COL6A3: variants seen among roughly 807,000 people sequenced by gnomAD.
COL6A3 encodes collagen type VI alpha 3 chain.
A neutral mutation model predicts 274.1 loss-of-function variants in COL6A3; 137 were observed. That is an observed-to-expected ratio of 0.50 (90% CI 0.44 to 0.58). COL6A3 has a LOEUF of 0.58. Among genes scored for constraint, COL6A3 ranks in the 20% least tolerant of loss-of-function variants. The probability of loss-of-function intolerance (pLI) is 0.00; values close to 1 mark genes in which losing one functional copy is unlikely to be tolerated. For synonymous variants in COL6A3, 1,650 were observed against 1,650.6 expected (o/e 1.00, Z 0.01); for missense variants, 3,950 against 4,124.9 (o/e 0.96, Z 1.16).
intron 1 of COL6A3, among the ~76,000 whole-genome samples, chr2:237,403,468 A>C (rs2078643706): frequency 6.6e-6 from 1 of 152,158 alleles, no homozygotes; most frequent in African/African-American, 2.4e-5. Flanking sequence ...ACCACCTGTC[A>C]ATACAGCAGT....
intron 4 of COL6A3, among the ~76,000 whole-genome samples, chr2:237,385,371 T>C (rs2078118984): frequency 6.6e-6 from 1 of 152,250 alleles, no homozygotes; most frequent in Admixed American, 6.5e-5. Context: ...GTTGAAACTC[T>C]ACTTGGCTAG....
At chr2:237,388,225 A>T in intron 3 of COL6A3, 41 bp from the exon 4 acceptor site, 2 of 1,612,264 alleles carry the variant, frequency 1.2e-6, no homozygotes, top group Non-Finnish European at 8.5e-7. Flanking sequence ...AAGCATTAGA[A>T]CAAGTGACCA....
intron 1 of COL6A3, among the ~76,000 whole-genome samples, chr2:237,408,329 G>T (rs2078771105): frequency 6.6e-6 from 1 of 152,164 alleles, no homozygotes; most frequent in Admixed American, 6.5e-5. Context: ...GCTCGAACAG[G>T]CCATAGTCCT....
chr2:237,369,147 A>C lies in COL6A3; in HGVS notation c.4316T>G (p.Phe1439Cys). Reference sequence around the variant, plus strand: ...AACTCCCTCAGAGCTGTCGATCAGAAAGACAATGTCTGCAGCATCACTCTC... The same window carrying C: ...AACTCCCTCAGAGCTGTCGATCAGACAGACAATGTCTGCAGCATCACTCTC... ...AVESDAADIV[F>C]LIDSSEGVRP... Residue 1439 changes from phenylalanine to cysteine, a missense_variant, in exon 10 of 44, where the codon TTT (phenylalanine) becomes TGT (cysteine). Coordinates refer to ENST00000295550, the MANE Select transcript of COL6A3 (RefSeq NM_004369.4). 6.2e-7 allele frequency: 1 copy of C among 1,613,418 alleles called. No individual in the cohort carries two copies. The highest frequency in any genetic ancestry group is 8.5e-7 in the Non-Finnish European group (1 of 1,180,032).
At chr2:237,397,930 C>T (rs2078492555) in intron 1 of COL6A3, among the ~76,000 whole-genome samples, 1 of 152,170 alleles carries the variant, frequency 6.6e-6, no homozygotes, top group South Asian at 2.1e-4. Context: ...ATAGCATATT[C>T]CTAAGCAAAG....
rs780992133 is a variant in COL6A3, at chr2:237,354,953, C to T, written c.6592-19G>A. 31 of 1,613,270 alleles carry T rather than the reference C, an allele frequency of 1.9e-5. No individual in the cohort carries two copies. Among genetic ancestry groups the T allele is most frequent in the Non-Finnish European group, 2.5e-5 (30 of 1,179,596 alleles). ...AGCCACCCTGTGGAAGAAAAAGTCC[C>T]ACAAACTGTGAGGGGGAGCATGGGA... On this transcript the variant is annotated intron_variant, in intron 23 of 43. Coordinates refer to ENST00000295550, the MANE Select transcript of COL6A3 (RefSeq NM_004369.4).
At chr2:237,362,667 A>G (rs890121777) in intron 14 of COL6A3, among the ~76,000 whole-genome samples, 23 of 152,082 alleles carry the variant, frequency 1.5e-4, no homozygotes, top group Admixed American at 1.5e-3. Flanking sequence ...ACCATCAAAG[A>G]ATCTCTGAGT....
intron 41 of COL6A3, among the ~76,000 whole-genome samples, chr2:237,334,307 G>A (rs1218402588): frequency 6.6e-6 from 1 of 152,186 alleles, no homozygotes; most frequent in Admixed American, 6.5e-5. Context: ...CCCTCACCGG[G>A]AGACGTGGCC....
rs549307351 is a variant in COL6A3 at position 237,334,565 on chromosome 2, G to C, written c.9229+61C>G. On this transcript the variant is annotated intron_variant, in intron 41 of 43. Transcript: ENST00000295550. ...GATTCAATAAGTAAGTGTCTCCTTTGTGTCCTATTTGATACTCTACATAGA... is the reference window on the plus strand; with the variant it reads ...GATTCAATAAGTAAGTGTCTCCTTTCTGTCCTATTTGATACTCTACATAGA... The C allele has an allele frequency of 6.1e-5, 94 of 1,551,712 alleles. No individual in the cohort carries two copies. The East Asian group carries it at 8.5e-4, about 14-fold the overall frequency.
Position 237,333,075 on chromosome 2 carries a change from C to G in COL6A3, c.9328+375G>C, listed in dbSNP as rs370536654. 2.2e-5 allele frequency: 7 copies of G among 322,122 alleles called. No individual in the cohort carries two copies. The East Asian group carries it at 3.6e-4, about 17-fold the overall frequency. 20.0% of individuals were successfully genotyped at this position (322,122 alleles called of 1,614,324 possible). Reference sequence around the variant, plus strand: ...CCAGCCAAATTTGTCTTGTGTTCTTCTAAGCAGTTTTTTTATTAGATTAAA... The same window carrying G: ...CCAGCCAAATTTGTCTTGTGTTCTTGTAAGCAGTTTTTTTATTAGATTAAA... On this transcript the variant is annotated intron_variant, in intron 42 of 43. Coordinates refer to ENST00000295550, the MANE Select transcript of COL6A3 (RefSeq NM_004369.4).
intron 9 of COL6A3, 113 bp from the exon 10 acceptor site, chr2:237,369,290 T>C (rs1459685826): frequency 2.1e-6 from 3 of 1,404,782 alleles, no homozygotes; most frequent in African/African-American, 2.9e-5. Context: ...TATCCCAAGA[T>C]GCCTGTGTTG....
At position 237,364,228 on chromosome 2, in the gene COL6A3, T is replaced by A. The variant is rs2077498791; in HGVS notation, c.5917+122A>T. 1.3e-6 allele frequency: 1 copy of A among 788,002 alleles called. No homozygotes were observed. The highest frequency in any genetic ancestry group is 2.2e-6 in the Non-Finnish European group (1 of 453,972). The allele number at this position is 788,002 out of a possible 1,614,324, so 48.8% of individuals were successfully genotyped here. ...AGGGCCACAACGCTGGGAGGAAGAG[T>A]CTCCCAAGACAACGCTGCTCCCTTG... On this transcript the variant is annotated intron_variant, in intron 13 of 43. Coordinates refer to ENST00000295550, the MANE Select transcript of COL6A3 (RefSeq NM_004369.4). The surrounding 1 kb of genome is among the most constrained non-coding windows in gnomAD (Gnocchi z 4.6).
chr2:237,395,426 C>G (rs1261764894), intron 2 of COL6A3, among the ~76,000 whole-genome samples: 12 of 152,192 alleles, frequency 7.9e-5, no homozygotes, highest in Non-Finnish European at 1.8e-4. Context: ...AAGTTCCATA[C>G]TCAGAGACCA....
At chr2:237,351,084 G>T in intron 27 of COL6A3, 46 bp downstream of exon 27, 1 of 1,585,246 alleles carries the variant, frequency 6.3e-7, no homozygotes, top group Non-Finnish European at 8.7e-7. Context: ...ATGTGTGCCT[G>T]GCTGGTCCCT....
At chr2:237,393,837 A>G (rs998569218) in intron 3 of COL6A3, among the ~76,000 whole-genome samples, 2 of 152,230 alleles carry the variant, frequency 1.3e-5, no homozygotes, top group Admixed American at 6.5e-5. Flanking sequence ...AGCTCTGTAC[A>G]TGCAACTGCA....
chr2:237,404,212 G>A (rs1356470192), intron 1 of COL6A3, among the ~76,000 whole-genome samples: 1 of 151,786 alleles, frequency 6.6e-6, no homozygotes. Context: ...GTTTTAATAC[G>A]GGATCAACAG....
chr2:237,384,980 C>A (rs2078109371), intron 4 of COL6A3, among the ~76,000 whole-genome samples: 1 of 152,134 alleles, frequency 6.6e-6, no homozygotes, highest in African/African-American at 2.4e-5. Flanking sequence ...GTTGCAGGGC[C>A]ACCCCTCCTG....
In COL6A3 at chr2:237,376,779, T is replaced by C. The variant is rs200098134; in HGVS notation, c.3063A>G (p.Pro1021=). 2.0e-5 allele frequency: 32 copies of C among 1,614,220 alleles called. No individual in the cohort carries two copies. In the African/African-American group the frequency reaches 3.6e-4, roughly 18 times the overall value. The change falls in exon 7 of 44, where the codon CCA becomes CCG. Residue 1021 remains proline, a synonymous_variant. Transcript: ENST00000295550. ...AGCATTTCTCTACCATACCTGGTGC[T>C]GGTGCTCCGTTGTGCACTGATTTTA... ...NLLKSVHNGA[P]APVSGEKDVV...
chr2:237,344,723 A>G lies in COL6A3; in HGVS notation c.7295T>C (p.Leu2432Pro). 6.2e-7 allele frequency: 1 copy of G among 1,605,554 alleles called. No homozygotes were observed. Among genetic ancestry groups the G allele is most frequent in the Non-Finnish European group, 8.5e-7 (1 of 1,175,740 alleles). ...TGGGCAGTTGCTCTCAGCAATGGTC[A>G]GGTCATTCACAATACTCAAGACCAC... ...RDVVLSIVND[L>P]TIAESNCPRG... The change falls in exon 36 of 44, where the codon CTG becomes CCG. Residue 2432 changes from leucine (L) to proline (P), a missense_variant. Physicochemically the swap from Leu to Pro is moderately conservative, Grantham distance 98. Coordinates refer to ENST00000295550, the MANE Select transcript of COL6A3 (RefSeq NM_004369.4). This position sits in a 1 kb window ranked among gnomAD's most constrained non-coding sequence, Gnocchi z 4.8.
Sources: allele counts gnomAD v4.1 joint callset (sites outside exome capture counted in the v4.1 genomes callset), GRCh38; gene constraint gnomAD v4.1.1; non-coding constraint Gnocchi (gnomAD v3.1); transcripts MANE v1.5; gene names NCBI Gene and HGNC (gene_info 2026-07-23, HGNC 2026-07-21).